Variants in GRIA3 observed in about 807,000 individuals in gnomAD.
GRIA3 encodes glutamate ionotropic receptor AMPA type subunit 3, also known as glutamate receptor 3.
In GRIA3, 3 loss-of-function variants were observed where a neutral mutation model predicts 63.0. That is an observed-to-expected ratio of 0.05 (90% confidence interval 0.02 to 0.12). GRIA3 has a LOEUF of 0.12. Ranked by LOEUF, GRIA3 falls within the 10% of genes least tolerant of loss-of-function variation. The pLI, the probability that GRIA3 is intolerant of heterozygous loss-of-function variation, is 1.00. For missense variants in GRIA3, 347 were observed against 700.9 expected, an observed-to-expected ratio of 0.50 and a Z score of 5.70; for synonymous variants, 274 against 257.9, an observed-to-expected ratio of 1.06 and a Z score of -0.60.
At chrX:123,341,264 T>C (rs5911597) in intron 4 of GRIA3, among the ~76,000 whole-genome samples, 26 of 111,632 alleles carry the variant, frequency 2.3e-4, no homozygotes, top group African/African-American at 6.5e-4. Context: ...TCAAATGTGG[T>C]CATTTTGTGT....
At chrX:123,353,102 G>C (rs1355651194) in intron 4 of GRIA3, among the ~76,000 whole-genome samples, 2 of 108,790 alleles carry the variant, frequency 1.8e-5, no homozygotes, top group African/African-American at 6.7e-5. Context: ...GAAATGACTT[G>C]AGGGCTTGTA....
intron 3 of GRIA3, among the ~76,000 whole-genome samples, chrX:123,282,395 C>T (rs1353795223): frequency 1.8e-5 from 2 of 112,188 alleles, no homozygotes. Flanking sequence ...AAAACAATCC[C>T]ATTTTCTTAC....
intron 5 of GRIA3, among the ~76,000 whole-genome samples, chrX:123,391,969 C>A (rs915984837): frequency 8.9e-6 from 1 of 111,758 alleles, no homozygotes; most frequent in African/African-American, 3.3e-5. Flanking sequence ...TTTACTCAGG[C>A]ACTGGGAATT....
At chrX:123,226,176 C>T (rs1023602538) in intron 2 of GRIA3, among the ~76,000 whole-genome samples, 15 of 111,311 alleles carry the variant, frequency 1.3e-4, no homozygotes, top group Admixed American at 1.1e-3. Context: ...TTATCATCAC[C>T]ATCATTAGCA....
chrX:123,342,675 T>C (rs2045016559), intron 4 of GRIA3, among the ~76,000 whole-genome samples: 1 of 111,929 alleles, frequency 8.9e-6, no homozygotes, highest in Non-Finnish European at 1.9e-5. Context: ...CAGCTTGTGA[T>C]TAAACAATGA....
chrX:123,435,896 A>G (rs2045641478), intron 12 of GRIA3, among the ~76,000 whole-genome samples: 1 of 112,002 alleles, frequency 8.9e-6, no homozygotes, highest in African/African-American at 3.2e-5. Flanking sequence ...ATCAGGGAGA[A>G]TATTCCTTGC....
intron 3 of GRIA3, among the ~76,000 whole-genome samples, chrX:123,283,320 A>T (rs2044597779): frequency 9.0e-6 from 1 of 111,495 alleles, no homozygotes; most frequent in African/African-American, 3.3e-5. Flanking sequence ...CTGGGCAGCC[A>T]TTTGGGCAGA....
chrX:123,440,582 G>A (rs990207221), intron 12 of GRIA3, among the ~76,000 whole-genome samples: 5 of 112,425 alleles, frequency 4.4e-5, no homozygotes, highest in Middle Eastern at 4.6e-3. Context: ...CTTGTTGGCC[G>A]CATATATGTC....
intron 5 of GRIA3, among the ~76,000 whole-genome samples, chrX:123,363,162 T>C (rs759945745): frequency 1.8e-5 from 2 of 112,291 alleles, no homozygotes; most frequent in Non-Finnish European, 3.8e-5. Flanking sequence ...GAGCCAGTCT[T>C]CATCCAAAAT....
At chrX:123,403,121 T>A in intron 8 of GRIA3, 23 bp downstream of exon 8, 1 of 812,729 alleles carries the variant, frequency 1.2e-6, no homozygotes, top group Non-Finnish European at 1.9e-6. Flanking sequence ...AACAGACATT[T>A]AAAGAAAAGG....
intron 12 of GRIA3, among the ~76,000 whole-genome samples, chrX:123,432,854 A>G (rs1008211270): frequency 2.7e-5 from 3 of 111,977 alleles, no homozygotes; most frequent in African/African-American, 9.7e-5. Flanking sequence ...TGCACTAACC[A>G]CTAAACTCAG....
chrX:123,356,470 C>T (rs768630217), intron 5 of GRIA3, among the ~76,000 whole-genome samples: 9 of 111,078 alleles, frequency 8.1e-5, no homozygotes, highest in East Asian at 5.7e-4. Context: ...AGGTAGTATA[C>T]GCACGCAAAC....
At chrX:123,449,816 T>G (rs2045721298) in intron 12 of GRIA3, among the ~76,000 whole-genome samples, 2 of 111,992 alleles carry the variant, frequency 1.8e-5, no homozygotes, top group Non-Finnish European at 1.9e-5. Flanking sequence ...ACAGTAGGAC[T>G]GAAAACACTT....
intron 9 of GRIA3, among the ~76,000 whole-genome samples, chrX:123,404,107 T>G (rs1483623497): frequency 8.9e-6 from 1 of 111,953 alleles, no homozygotes; most frequent in Non-Finnish European, 1.9e-5. Flanking sequence ...CTGGTTTGTT[T>G]TTACTGAATG....
chrX:123,359,472 G>A (rs1461132420), intron 5 of GRIA3, among the ~76,000 whole-genome samples: 1 of 111,378 alleles, frequency 9.0e-6, no homozygotes, highest in East Asian at 2.8e-4. Flanking sequence ...GGTGAATGCT[G>A]AGGACACAAA....
chrX:123,389,149 C>T (rs2045370174), intron 5 of GRIA3, among the ~76,000 whole-genome samples: 1 of 111,890 alleles, frequency 8.9e-6, no homozygotes, highest in Non-Finnish European at 1.9e-5. Flanking sequence ...ATAATCTATC[C>T]TGGAGAATGT....
At chrX:123,463,612 G>A (rs2045809408) in intron 12 of GRIA3, among the ~76,000 whole-genome samples, 2 of 8,785 alleles carry the variant, frequency 2.3e-4, no homozygotes, top group African/African-American at 1.7e-3. Flanking sequence ...GGGAGGGAGG[G>A]AAAGAAAGAA....
At chrX:123,343,589 A>C (rs774005727) in intron 4 of GRIA3, among the ~76,000 whole-genome samples, 33 of 107,175 alleles carry the variant, frequency 3.1e-4, no homozygotes, top group Middle Eastern at 4.8e-3. Flanking sequence ...GAGAGAGAGA[A>C]AGACAGAGAG....
At chrX:123,269,610 G>C (rs2147293342) in intron 3 of GRIA3, among the ~76,000 whole-genome samples, 1 of 111,790 alleles carries the variant, frequency 8.9e-6, no homozygotes. Context: ...ACGGCTGATG[G>C]ACAACGTCTC....
Sources: allele counts gnomAD v4.1 joint callset (sites outside exome capture counted in the v4.1 genomes callset), GRCh38; gene constraint gnomAD v4.1.1; transcripts MANE v1.5; gene names NCBI Gene and HGNC (gene_info 2026-07-23, HGNC 2026-07-21).